The following AATK variants were observed in gnomAD, a reference collection of about 807,000 sequenced individuals.
The protein encoded by AATK is serine/threonine-protein kinase LMTK1.
Under a neutral mutation model 114.3 loss-of-function variants are expected in AATK, and 91 were observed. That is an observed-to-expected ratio of 0.80 (90% CI 0.67 to 0.95). The LOEUF (loss-of-function observed/expected upper bound fraction) is 0.95, where lower values mean the gene tolerates loss of function less well. Among genes scored for constraint, AATK ranks in the 40% least tolerant of loss-of-function variants. The pLI is 0.00. For synonymous variants in AATK, 1,075 were observed against 916.5 expected, an observed-to-expected ratio of 1.17 and a Z score of -3.12; for missense variants, 2,176 against 1,965.2, an observed-to-expected ratio of 1.11 and a Z score of -2.03.
chr17:81,126,371 T>G lies in AATK; in HGVS notation c.755+56A>C. On this transcript the variant is annotated intron_variant, in intron 7 of 13. Transcript: ENST00000326724. This position sits in a 1 kb window ranked among gnomAD's most constrained non-coding sequence, Gnocchi z 5.1. ...GCAGGACCCGCCCTATGCCCTTCCTTCAGGGGAGGGGCCTGGCCTAGGGCT... is the reference window on the plus strand; with the variant it reads ...GCAGGACCCGCCCTATGCCCTTCCTGCAGGGGAGGGGCCTGGCCTAGGGCT... The G allele has an allele frequency of 6.6e-7, 1 of 1,517,964 alleles. No homozygotes were observed. The allele number at this position is 1,517,964 out of a possible 1,614,324, so 94.0% of individuals were successfully genotyped here. A position where few individuals can be genotyped will look rare whatever the true frequency, so the allele number is the denominator to read the frequency against.
rs756970289 is a variant in AATK at position 81,119,537 on chromosome 17, G to A, written c.3927C>T (p.Ala1309=). ...AWDDDFPLMT[A]KAAFAMALDP... ...CTAGGGCCATGGCGAAGGCTGCCTT[G>A]GCCGTCATCAGCGGGAAGTCGTCGT... is the stretch of plus-strand genomic sequence containing the variant. The change falls in exon 13 of 14, where the codon GCC becomes GCT. Residue 1309 remains alanine, a synonymous_variant. Coordinates refer to ENST00000326724, the MANE Select transcript of AATK (RefSeq NM_001080395.3). 74 of 1,580,518 alleles carry A rather than the reference G, an allele frequency of 4.7e-5. No individual in the cohort carries two copies. The highest frequency in any genetic ancestry group is 8.8e-5 in the Admixed American group (5 of 56,532).
chr17:81,119,264 A>AAGGT, intron 13 of AATK, 116 bp downstream of exon 13: 1 of 1,004,606 alleles, frequency 1.0e-6, no homozygotes, highest in African/African-American at 2.5e-5. Flanking sequence ...GAAGGAGCGG[A>AAGGT]GCGGAGCGGA....
At chr17:81,137,063 G>C (rs534655161) in intron 1 of AATK, among the ~76,000 whole-genome samples, 1 of 152,076 alleles carries the variant, frequency 6.6e-6, no homozygotes, top group Non-Finnish European at 1.5e-5. Flanking sequence ...TTCGAGACCA[G>C]CCTGGCCAAC....
At chr17:81,135,997 A>C (rs2061003523) in intron 1 of AATK, 1 of 152,226 alleles carries the variant, frequency 6.6e-6, no homozygotes, top group Non-Finnish European at 1.5e-5. Context: ...GTGTAAGGAC[A>C]CCCTGCACAC....
At position 81,119,579 on chromosome 17, in the gene AATK, AC is replaced by A; in HGVS notation, c.3884del (p.Gly1295ValfsTer12). The part of the protein sequence containing the change: ...GSPNGSTAEE[G>X]GGFAWDDDFP... ...AGTCGTCGTCCCACGCGAACCCACC[AC>A]CTGCAGCCCAGGTCGCGGCGTCACT... On this transcript the variant is annotated frameshift_variant and splice_region_variant, in exon 13 of 14. Transcript: ENST00000326724. LOFTEE classifies it high-confidence loss of function. 1 of 1,564,584 alleles carries A rather than the reference AC, an allele frequency of 6.4e-7. No homozygotes were observed. The highest frequency in any genetic ancestry group is 8.6e-7 in the Non-Finnish European group (1 of 1,157,918).
chr17:81,158,588 A>G lies in AATK; in HGVS notation c.55+7350T>C, dbSNP rs2061394562. 2.0e-5 allele frequency among the ~76,000 whole-genome samples: 3 copies of G among 152,186 alleles called. No individual in the cohort carries two copies. In the South Asian group the frequency reaches 6.2e-4, roughly 31 times the overall value. ...GAGGCCTTGTGTCCAGGACCTGCCC[A>G]CTGCCCCGAGCCTGGCTCCCACAGG... is the stretch of plus-strand genomic sequence containing the variant. On this transcript the variant is annotated intron_variant, in intron 1 of 13. Transcript: ENST00000326724.
At position 81,122,110 on chromosome 17, in the gene AATK, G is replaced by A; in HGVS notation, c.1826C>T (p.Ser609Phe). 1.3e-6 allele frequency: 2 copies of A among 1,563,240 alleles called. No individual in the cohort carries two copies. The highest frequency in any genetic ancestry group is 1.7e-6 in the Non-Finnish European group (2 of 1,159,866). The change falls in exon 11 of 14, where the codon TCT becomes TTT. Residue 609 changes from serine to phenylalanine, a missense_variant. Ser to Phe is a radical substitution (Grantham distance 155, BLOSUM62 -2). Transcript: ENST00000326724. Reference protein sequence around the residue: ...LARDPLCPSRSPSPSAGPLSL... With the variant: ...LARDPLCPSRFPSPSAGPLSL... The stretch of plus-strand genomic sequence containing the variant: ...CAGGGGCCCCGCCGAGGGCGAGGGA[G>A]AGCGTGAGGGGCAGAGCGGGTCCCG...
At chr17:81,146,916 G>A (rs2061228044) in intron 1 of AATK, among the ~76,000 whole-genome samples, 1 of 141,994 alleles carries the variant, frequency 7.0e-6, no homozygotes, top group Non-Finnish European at 1.5e-5. Context: ...CTTCTCTCCA[G>A]CCAAGTAATT....
chr17:81,165,030 G>T (rs1468619269), intron 1 of AATK, among the ~76,000 whole-genome samples: 1 of 152,226 alleles, frequency 6.6e-6, no homozygotes, highest in Non-Finnish European at 1.5e-5. Context: ...ATGCAAACAG[G>T]CTTTGTTTGG....
At chr17:81,136,317 A>T (rs2061008806) in intron 1 of AATK, 2 of 152,294 alleles carry the variant, frequency 1.3e-5, no homozygotes, top group Non-Finnish European at 2.9e-5. Context: ...CAGAGCCAGC[A>T]GAGCCCTGGG....
Position 81,122,130 on chromosome 17 carries a change from G to A in AATK, c.1806C>T (p.Asp602=). The change falls in exon 11 of 14, where the codon GAC becomes GAT. Residue 602 remains aspartate, a synonymous_variant. Coordinates refer to ENST00000326724, the MANE Select transcript of AATK (RefSeq NM_001080395.3). ...DHYPRRSLAR[D]PLCPSRSPSP... ...AGGGAGAGCGTGAGGGGCAGAGCGG[G>A]TCCCGCGCCAAGCTTCTGCGAGGGT... 6.5e-7 allele frequency: 1 copy of A among 1,537,698 alleles called. No individual in the cohort carries two copies. Among genetic ancestry groups the A allele is most frequent in the Non-Finnish European group, 8.7e-7 (1 of 1,144,324 alleles).
intron 1 of AATK, among the ~76,000 whole-genome samples, chr17:81,151,288 C>A (rs2061291674): frequency 7.4e-6 from 1 of 135,838 alleles, no homozygotes; most frequent in South Asian, 2.7e-4. Context: ...CCCCACCTGT[C>A]TCCCCCACCG....
At chr17:81,151,333 C>G (rs2061294437) in intron 1 of AATK, among the ~76,000 whole-genome samples, 1 of 151,248 alleles carries the variant, frequency 6.6e-6, no homozygotes, top group Non-Finnish European at 1.5e-5. Context: ...CCTCCTCCCC[C>G]ACATCCCCCA....
At chr17:81,160,154 G>C in intron 1 of AATK, 1 of 651,708 alleles carries the variant, frequency 1.5e-6, no homozygotes, top group Non-Finnish European at 1.9e-6. Context: ...CCCTGCAGGA[G>C]CAGGAGTCTC....
At chr17:81,146,149 A>G (rs2061215856) in intron 1 of AATK, among the ~76,000 whole-genome samples, 1 of 149,900 alleles carries the variant, frequency 6.7e-6, no homozygotes, top group Non-Finnish European at 1.5e-5. Flanking sequence ...AGATCACACC[A>G]TTGTACTCCA....
In AATK at chr17:81,138,465, C is replaced by CA. The variant is rs774078193; in HGVS notation, c.56-3965_56-3964insT. Among the ~76,000 whole-genome samples, 271 of 110,702 alleles carry CA rather than the reference C, an allele frequency of 2.4e-3. 2 individuals carry two copies. Among genetic ancestry groups the CA allele is most frequent in the African/African-American group, 6.8e-3 (198 of 29,000 alleles). 72.6% of individuals were successfully genotyped at this position (110,702 alleles called of 152,430 possible). A position where few individuals can be genotyped will look rare whatever the true frequency, so the allele number is the denominator to read the frequency against. On this transcript the variant is annotated intron_variant, in intron 1 of 13. Transcript: ENST00000326724. ...CCCACAGATGCATGTGCACACACAC[C>CA]CACCCACATGCACACATGCATGCAC...
chr17:81,126,546 G>A lies in AATK; in HGVS notation c.636C>T (p.Gly212=), dbSNP rs572243123. 59 of 1,543,554 alleles carry A rather than the reference G, an allele frequency of 3.8e-5. No homozygotes were observed. The African/African-American group carries it at 4.9e-4, about 13-fold the overall frequency. ...CCGCCACCCGGCAGCTCCGCAGGTA[G>A]CCCTTGAGGTCCCCCTGCAGAAAGG... ...MEFCPLGDLK[G]YLRSCRVAES... is the part of the protein sequence containing the mutation. Residue 212 remains glycine (G), a synonymous_variant, in exon 7 of 14, where the codon GGC becomes GGT. Coordinates refer to ENST00000326724, the MANE Select transcript of AATK (RefSeq NM_001080395.3). This position sits in a 1 kb window ranked among gnomAD's most constrained non-coding sequence, Gnocchi z 5.1.
At chr17:81,144,529 C>T (rs903073173) in intron 1 of AATK, among the ~76,000 whole-genome samples, 17 of 152,216 alleles carry the variant, frequency 1.1e-4, no homozygotes, top group Non-Finnish European at 1.8e-4. Flanking sequence ...GCAAGGGGGC[C>T]GGGCAGGGGG....
intron 1 of AATK, among the ~76,000 whole-genome samples, chr17:81,145,413 A>AAT (rs1220440641): frequency 6.6e-6 from 1 of 152,012 alleles, no homozygotes; most frequent in African/African-American, 2.4e-5. Context: ...CGCAAAAGAA[A>AAT]ATATTGAAGG....
Sources: allele counts gnomAD v4.1 joint callset (sites outside exome capture counted in the v4.1 genomes callset), GRCh38; gene constraint gnomAD v4.1.1; non-coding constraint Gnocchi (gnomAD v3.1); transcripts MANE v1.5; gene names NCBI Gene and HGNC (gene_info 2026-07-23, HGNC 2026-07-21).